SGPL1: variants seen among roughly 807,000 people sequenced by gnomAD.
SGPL1 encodes the protein SP-lyase 1.
A neutral mutation model predicts 68.9 loss-of-function variants in SGPL1; 37 were observed. The observed-to-expected ratio is 0.54, with a 90% confidence interval of 0.41 to 0.71. SGPL1 has a LOEUF of 0.71. Among genes scored for constraint, SGPL1 ranks in the 30% least tolerant of loss-of-function variants. The pLI, the probability that SGPL1 is intolerant of heterozygous loss-of-function variation, is 0.00. For synonymous variants in SGPL1, 236 were observed against 248.5 expected (o/e 0.95, Z 0.47); for missense variants, 551 against 704.6 (o/e 0.78, Z 2.47).
At chr10:70,840,657 T>A (rs148529453) in intron 2 of SGPL1, among the ~76,000 whole-genome samples, 2,621 of 152,296 alleles carry the variant, frequency 0.017, 46 homozygotes, top group Non-Finnish European at 0.025. Context: ...TCATTCTGTC[T>A]TTGGTGTTAA....
chr10:70,881,061 T>C lies in SGPL1; in HGVS notation c.*3726T>C, dbSNP rs1846486298. On this transcript the variant is annotated 3_prime_UTR_variant, in exon 15 of 15. Transcript: ENST00000373202. Reference sequence around the variant, plus strand: ...CCTTTTTCCTGATTTGAAGTTTTAATTACCTTATTTTCTTTTATGCTTTCC... The same window carrying C: ...CCTTTTTCCTGATTTGAAGTTTTAACTACCTTATTTTCTTTTATGCTTTCC... 6.6e-6 allele frequency: 1 copy of C among 152,200 alleles called. No individual in the cohort carries two copies. Among genetic ancestry groups the C allele is most frequent in the South Asian group, 2.1e-4 (1 of 4,824 alleles). The allele number at this position is 152,200 out of a possible 1,614,324, so 9.4% of individuals were successfully genotyped here.
Position 70,866,974 on chromosome 10 carries a change from A to G in SGPL1, c.616-1371A>G, listed in dbSNP as rs115621573. On this transcript the variant is annotated intron_variant, in intron 7 of 14. Transcript: ENST00000373202. The stretch of plus-strand genomic sequence containing the variant: ...CATCTTGTATTAAGCTACACTAAAT[A>G]TGAAAACGTAGAAAGTTTTACTTCT... Among the ~76,000 whole-genome samples the G allele has an allele frequency of 4.7e-3, 722 of 152,346 alleles. 5 individuals carry two copies. Among genetic ancestry groups the G allele is most frequent in the African/African-American group, 0.016 (648 of 41,584 alleles).
intron 3 of SGPL1, among the ~76,000 whole-genome samples, chr10:70,850,349 G>A (rs1328267488): frequency 6.6e-6 from 1 of 152,126 alleles, no homozygotes; most frequent in Non-Finnish European, 1.5e-5. Context: ...TGTAGGTCCA[G>A]AAAATGTTAG....
chr10:70,862,243 C>T (rs1415585765), intron 7 of SGPL1, among the ~76,000 whole-genome samples: 1 of 152,192 alleles, frequency 6.6e-6, no homozygotes, highest in African/African-American at 2.4e-5. Flanking sequence ...CTGTGTCTAG[C>T]TCAGGGTTTC....
intron 3 of SGPL1, among the ~76,000 whole-genome samples, chr10:70,847,151 T>C (rs931296946): frequency 3.3e-5 from 5 of 152,108 alleles, no homozygotes; most frequent in African/African-American, 9.7e-5. Context: ...TTTTTGTTTT[T>C]TGTTTTTTGT....
intron 7 of SGPL1, among the ~76,000 whole-genome samples, chr10:70,861,545 C>T (rs1458721851): frequency 6.6e-6 from 1 of 152,234 alleles, no homozygotes; most frequent in African/African-American, 2.4e-5. Context: ...TTTGGCGGCA[C>T]TTGAGGAGCT....
At chr10:70,822,963 T>G (rs1057156049) in intron 2 of SGPL1, among the ~76,000 whole-genome samples, 1 of 151,728 alleles carries the variant, frequency 6.6e-6, no homozygotes, top group Non-Finnish European at 1.5e-5. Flanking sequence ...CACTTCTAAT[T>G]TTATACATTT....
chr10:70,844,412 A>G, intron 2 of SGPL1, 61 bp from the exon 3 acceptor site: 2 of 1,485,660 alleles, frequency 1.3e-6, no homozygotes, highest in Non-Finnish European at 1.8e-6. Flanking sequence ...AGTACAAACT[A>G]AGAACAGACT....
intron 6 of SGPL1, among the ~76,000 whole-genome samples, chr10:70,858,203 A>G (rs1480055534): frequency 6.6e-6 from 1 of 152,184 alleles, no homozygotes; most frequent in Non-Finnish European, 1.5e-5. Flanking sequence ...TGGTGTAATC[A>G]TGGCTCACTT....
At position 70,815,957 on chromosome 10, in the gene SGPL1, AG is replaced by A. The variant is rs1479401034; in HGVS notation, c.-209del. The A allele has an allele frequency of 2.1e-5, 3 of 146,032 alleles. No individual in the cohort carries two copies. The highest frequency in any genetic ancestry group is 4.5e-5 in the Non-Finnish European group (3 of 66,142). The allele number at this position is 146,032 out of a possible 1,614,324, so 9.0% of individuals were successfully genotyped here. On this transcript the variant is annotated 5_prime_UTR_variant, in exon 1 of 15. Transcript: ENST00000373202. Reference sequence around the variant, plus strand: ...CGGTGCCCCCGGAGCCATTTCCGGGAGGGGCGAGGCCGGCGGCTGCCGGGCC... The same window carrying A: ...CGGTGCCCCCGGAGCCATTTCCGGGAGGGCGAGGCCGGCGGCTGCCGGGCC...
chr10:70,822,847 A>G (rs989275252), intron 2 of SGPL1, among the ~76,000 whole-genome samples: 4 of 129,560 alleles, frequency 3.1e-5, no homozygotes, highest in African/African-American at 1.2e-4. Flanking sequence ...TATTGCCTCT[A>G]TTGGTAATAT....
In SGPL1 at chr10:70,868,440, A is replaced by T. The variant is rs1846233902; in HGVS notation, c.704+7A>T. 1 of 1,609,720 alleles carries T rather than the reference A, an allele frequency of 6.2e-7. No homozygotes were observed. Among genetic ancestry groups the T allele is most frequent in the South Asian group, 1.1e-5 (1 of 90,984 alleles). On this transcript the variant is annotated splice_region_variant and intron_variant, in intron 8 of 14. Transcript: ENST00000373202. Reference sequence around the variant, plus strand: ...GGATCAAAACTCCAGAAATGTATGTATGTGTGGCTGTTTTGTCCCCTTTTG... The same window carrying T: ...GGATCAAAACTCCAGAAATGTATGTTTGTGTGGCTGTTTTGTCCCCTTTTG...
chr10:70,857,148 T>G, intron 5 of SGPL1: 1 of 170,090 alleles, frequency 5.9e-6, no homozygotes. Flanking sequence ...GATAGTGTGC[T>G]GAAATTTCAC....
intron 13 of SGPL1, 92 bp from the exon 14 acceptor site, chr10:70,876,449 G>A (rs1336374419): frequency 1.3e-5 from 16 of 1,195,862 alleles, no homozygotes; most frequent in Non-Finnish European, 1.9e-5. Context: ...TTGTGAAAGG[G>A]CAACCAGGAA....
At chr10:70,854,526 G>T (rs1845932298) in intron 4 of SGPL1, among the ~76,000 whole-genome samples, 182 bp from the exon 5 acceptor site, 1 of 152,094 alleles carries the variant, frequency 6.6e-6, no homozygotes. Context: ...TTTTTAAGAG[G>T]CTATTGTACA....
At chr10:70,854,667 A>C in intron 4 of SGPL1, 41 bp from the exon 5 acceptor site, 1 of 1,578,182 alleles carries the variant, frequency 6.3e-7, no homozygotes, top group Non-Finnish European at 8.6e-7. Context: ...TCTCTACTGT[A>C]CTCTTGCATC....
intron 2 of SGPL1, among the ~76,000 whole-genome samples, chr10:70,836,748 G>T (rs1351858929): frequency 6.7e-6 from 1 of 149,812 alleles, no homozygotes; most frequent in African/African-American, 2.5e-5. Flanking sequence ...CTGCTTTTTT[G>T]TTTGTTTGTT....
chr10:70,881,180 AAAAAG>A (rs1164733324), exon 15 of SGPL1: 1 of 152,198 alleles, frequency 6.6e-6, no homozygotes, highest in Non-Finnish European at 1.5e-5. Flanking sequence ...TTCTAAAAAA[AAAAAG>A]AAAAGAAAGT....
intron 2 of SGPL1, among the ~76,000 whole-genome samples, chr10:70,827,749 A>G (rs1301953560): frequency 6.6e-6 from 1 of 152,210 alleles, no homozygotes; most frequent in Non-Finnish European, 1.5e-5. Flanking sequence ...GTAAATATTT[A>G]TGTATGAATA....
Sources: gnomAD v4.1 joint callset for allele counts (sites outside exome capture counted in the v4.1 genomes callset) on GRCh38, gnomAD v4.1.1 for gene constraint, MANE v1.5 for transcripts, NCBI Gene and HGNC (gene_info 2026-07-23, HGNC 2026-07-21) for gene names.